The following CRAMP1 variants were observed in gnomAD, a reference collection of about 807,000 sequenced individuals.
CRAMP1 encodes the protein protein cramped-like.
CRAMP1 carries 50 observed loss-of-function variants against 115.4 expected under a neutral mutation model. That is an observed-to-expected ratio of 0.43 (90% CI 0.35 to 0.55). The LOEUF is 0.55. CRAMP1 is among the 20% of genes least tolerant of loss of function. CRAMP1 has a pLI of 0.01. For missense variants in CRAMP1, 1,679 were observed against 1,721.7 expected (o/e 0.98, Z 0.44); for synonymous variants, 866 against 745.4 (o/e 1.16, Z -2.64).
At chr16:1,624,134 G>GT (rs57776818) in intron 2 of CRAMP1, among the ~76,000 whole-genome samples, 6,149 of 146,230 alleles carry the variant, frequency 0.042, 330 homozygotes, top group Admixed American at 0.14. Flanking sequence ...GAGAGGCTGA[G>GT]TTTTTTTTTT....
At chr16:1,621,452 G>A (rs1014014810) in intron 2 of CRAMP1, among the ~76,000 whole-genome samples, 16 of 152,210 alleles carry the variant, frequency 1.1e-4, no homozygotes, top group South Asian at 2.1e-4. Flanking sequence ...GGAAACAGGC[G>A]GTGCGGATGG....
chr16:1,672,247 A>G lies in CRAMP1; in HGVS notation c.3645+1438A>G, dbSNP rs74832368. Among the ~76,000 whole-genome samples, 25 of 152,378 alleles carry G rather than the reference A, an allele frequency of 1.6e-4. No homozygotes were observed. The highest frequency in any genetic ancestry group is 5.8e-4 in the African/African-American group (24 of 41,580). On this transcript the variant is annotated intron_variant, in intron 20 of 20. Transcript: ENST00000397412. This position sits in a 1 kb window ranked among gnomAD's most constrained non-coding sequence, Gnocchi z 4.9. ...CAGATGGCACTTGGGAGTGAGTAGC[A>G]GAGAAAGGGTGCAGTTAGTATTTGT...
intron 13 of CRAMP1, among the ~76,000 whole-genome samples, chr16:1,664,193 C>G (rs1307427436): frequency 6.6e-6 from 1 of 152,232 alleles, no homozygotes; most frequent in Non-Finnish European, 1.5e-5. Context: ...CATGTTTTAT[C>G]TGGATTACTA....
chr16:1,637,056 G>T (rs529862069), intron 4 of CRAMP1, among the ~76,000 whole-genome samples: 1 of 152,222 alleles, frequency 6.6e-6, no homozygotes, highest in Non-Finnish European at 1.5e-5. Context: ...ACTTTGGGAG[G>T]TTGAGACAGG....
At chr16:1,650,893 C>T (rs2036716952) in intron 6 of CRAMP1, among the ~76,000 whole-genome samples, 2 of 152,248 alleles carry the variant, frequency 1.3e-5, no homozygotes, top group Non-Finnish European at 2.9e-5. Flanking sequence ...AGCCAGTGGG[C>T]CGCTGCCCAG....
intron 13 of CRAMP1, 127 bp downstream of exon 13, chr16:1,662,962 G>A: frequency 3.0e-6 from 2 of 665,498 alleles, no homozygotes; most frequent in East Asian, 2.7e-5. Context: ...CTTCCCTCTT[G>A]TGAGTAGGGT....
chr16:1,625,812 C>CGCTGGTGCCGTGGGTCCTGGGT, intron 2 of CRAMP1, 161 bp from the exon 3 acceptor site: 1 of 619,950 alleles, frequency 1.6e-6, no homozygotes. Context: ...TAAGCAGCCT[C>CGCTGGTGCCGTGGGTCCTGGGT]GCTGGTGCCG....
chr16:1,650,687 C>G (rs1435750163), intron 6 of CRAMP1, among the ~76,000 whole-genome samples: 4 of 152,206 alleles, frequency 2.6e-5, no homozygotes, highest in Non-Finnish European at 1.5e-5. Flanking sequence ...GAATCACGCT[C>G]TGTTCTGTAG....
chr16:1,649,776 T>C (rs2036707726), intron 6 of CRAMP1, among the ~76,000 whole-genome samples: 1 of 144,392 alleles, frequency 6.9e-6, no homozygotes, highest in African/African-American at 2.6e-5. Context: ...ACAGTAGGCA[T>C]GAGCCACTAT....
Position 1,665,110 on chromosome 16 carries a change from C to G in CRAMP1, c.2724C>G (p.Phe908Leu). The G allele has an allele frequency of 6.2e-7, 1 of 1,613,022 alleles. No individual in the cohort carries two copies. Among genetic ancestry groups the G allele is most frequent in the Non-Finnish European group, 8.5e-7 (1 of 1,178,972 alleles). Reference protein sequence around the residue: ...SENQSHNVCSFSILSNSSVTG... With the variant: ...SENQSHNVCSLSILSNSSVTG... ...ACCAGTCCCACAACGTTTGTTCCTT[C>G]TCCATCCTGTCTAACTCTTCCGTAA... is the stretch of plus-strand genomic sequence containing the variant. The change falls in exon 14 of 21, where the codon TTC (phenylalanine) becomes TTG (leucine). Residue 908 changes from phenylalanine (F) to leucine (L), a missense_variant. Phe to Leu is a conservative substitution (Grantham distance 22, BLOSUM62 0). This residue lies in a region of CRAMP1 where 709 missense variants were observed against 741.9 expected (regional missense o/e 0.96). Coordinates refer to ENST00000397412, the MANE Select transcript of CRAMP1 (RefSeq NM_020825.4).
chr16:1,658,180 T>C (rs1332380889), intron 10 of CRAMP1, among the ~76,000 whole-genome samples: 1 of 151,820 alleles, frequency 6.6e-6, no homozygotes, highest in African/African-American at 2.4e-5. Flanking sequence ...CTGGGGAGCA[T>C]CAAGGGGGCT....
Position 1,666,266 on chromosome 16 carries a change from A to C in CRAMP1, c.2857+89A>C. On this transcript the variant is annotated intron_variant, in intron 15 of 20. Transcript: ENST00000397412. The surrounding 1 kb of genome is among the most constrained non-coding windows in gnomAD (Gnocchi z 5.0). ...GGTTTTTTGAATGTTTTCTTCTCCA[A>C]ATCATAATGTCTCATTACCCTTCAC... 8.3e-7 allele frequency: 1 copy of C among 1,198,474 alleles called. No individual in the cohort carries two copies. The highest frequency in any genetic ancestry group is 1.2e-6 in the Non-Finnish European group (1 of 827,966). 74.2% of individuals were successfully genotyped at this position (1,198,474 alleles called of 1,614,324 possible).
chr16:1,648,620 G>T (rs1404612378), intron 6 of CRAMP1, among the ~76,000 whole-genome samples: 1 of 149,626 alleles, frequency 6.7e-6, no homozygotes, highest in Admixed American at 6.7e-5. Context: ...AAAAAAAAAA[G>T]AATTGACTCC....
rs1241529236 is a variant in CRAMP1, at chr16:1,672,079, T to C, written c.3645+1270T>C. On this transcript the variant is annotated intron_variant, in intron 20 of 20. Coordinates refer to ENST00000397412, the MANE Select transcript of CRAMP1 (RefSeq NM_020825.4). The surrounding 1 kb of genome is among the most constrained non-coding windows in gnomAD (Gnocchi z 4.9). Reference sequence around the variant, plus strand: ...GGGCTCTGTGGAGATGGGCGCTGCGTACGTGCCCTGAGGCAGCATGCTCAC... The same window carrying C: ...GGGCTCTGTGGAGATGGGCGCTGCGCACGTGCCCTGAGGCAGCATGCTCAC... 6.6e-6 allele frequency among the ~76,000 whole-genome samples: 1 copy of C among 152,168 alleles called. No individual in the cohort carries two copies. The highest frequency in any genetic ancestry group is 2.4e-5 in the African/African-American group (1 of 41,440).
rs374812511 is a variant in CRAMP1 at position 1,656,183 on chromosome 16, C to A, written c.1426C>A (p.Pro476Thr). 5.6e-6 allele frequency: 9 copies of A among 1,601,954 alleles called. No individual in the cohort carries two copies. In the African/African-American group the frequency reaches 1.1e-4, roughly 19 times the overall value. ...SGAEGKGVGR[P>T]PPAADALQSS... ...AGCTGAGGGCAAGGGTGTGGGGCGGCCCCCTCCTGCGGCTGACGCCTTGCA... is the reference window on the plus strand; with the variant it reads ...AGCTGAGGGCAAGGGTGTGGGGCGGACCCCTCCTGCGGCTGACGCCTTGCA... The change falls in exon 10 of 21, where the codon CCC (proline) becomes ACC (threonine). Residue 476 changes from proline (P) to threonine (T), a missense_variant. By Grantham distance (38) the Pro-to-Thr change is conservative. This residue lies in a region of CRAMP1 where 405 missense variants were observed against 302.6 expected (regional missense o/e 1.34). Transcript: ENST00000397412. This position sits in a 1 kb window ranked among gnomAD's most constrained non-coding sequence, Gnocchi z 5.6.
Position 1,652,557 on chromosome 16 carries a change from C to G in CRAMP1, c.889C>G (p.Leu297Val), listed in dbSNP as rs1157490074. ...GATCAAAGCGCCCATGTGCCGGGCC[C>G]TGAAGAAGCTGTGCGATCCAGATGG... ...LRIKAPMCRA[L>V]KKLCDPDGLS... The change falls in exon 7 of 21, where the codon CTG becomes GTG. Residue 297 changes from leucine to valine, a missense_variant. Physicochemically the swap from Leu to Val is conservative, Grantham distance 32. This residue lies in a region of CRAMP1 where 191 missense variants were observed against 236.2 expected (regional missense o/e 0.81). Transcript: ENST00000397412. The G allele has an allele frequency of 1.3e-6, 2 of 1,552,864 alleles. No individual in the cohort carries two copies. Among genetic ancestry groups the G allele is most frequent in the Non-Finnish European group, 1.7e-6 (2 of 1,147,618 alleles).
At chr16:1,616,730 TAA>T (rs1369431850) in intron 2 of CRAMP1, among the ~76,000 whole-genome samples, 1 of 152,178 alleles carries the variant, frequency 6.6e-6, no homozygotes. Flanking sequence ...GACTTTTCAT[TAA>T]GTTTTAATAT....
At chr16:1,613,319 G>C (rs1442829802) in intron 1 of CRAMP1, among the ~76,000 whole-genome samples, 1 of 152,150 alleles carries the variant, frequency 6.6e-6, no homozygotes, top group Non-Finnish European at 1.5e-5. Flanking sequence ...ATCCTTGTGT[G>C]ATCTGCACCT....
chr16:1,635,295 G>A (rs538050836), intron 4 of CRAMP1, among the ~76,000 whole-genome samples: 2 of 152,330 alleles, frequency 1.3e-5, no homozygotes, highest in East Asian at 1.9e-4. Flanking sequence ...GCAAGCGAGC[G>A]TGGAAGGGAC....
Sources: allele counts gnomAD v4.1 joint callset (sites outside exome capture counted in the v4.1 genomes callset), GRCh38; gene constraint gnomAD v4.1.1; regional missense constraint gnomAD v4.1.1; non-coding constraint Gnocchi (gnomAD v3.1); transcripts MANE v1.5; gene names NCBI Gene and HGNC (gene_info 2026-07-23, HGNC 2026-07-21).